NSD1: variants seen among roughly 807,000 people sequenced by gnomAD.
NSD1 encodes the protein histone-lysine N-methyltransferase, H3 lysine-36 specific.
Under a neutral mutation model 242.7 loss-of-function variants are expected in NSD1, and 26 were observed. The observed-to-expected ratio is 0.11, with a 90% CI of 0.08 to 0.15. NSD1 has a LOEUF of 0.15. Among genes scored for constraint, NSD1 ranks in the 10% least tolerant of loss-of-function variants. The pLI is 1.00. For missense variants in NSD1, 2,495 were observed against 3,272.8 expected, an observed-to-expected ratio of 0.76 and a Z score of 5.80; for synonymous variants, 1,106 against 1,178.1, an observed-to-expected ratio of 0.94 and a Z score of 1.25.
At chr5:177,140,987 C>G (rs1395905851) in intron 2 of NSD1, among the ~76,000 whole-genome samples, 2 of 152,126 alleles carry the variant, frequency 1.3e-5, no homozygotes, top group Non-Finnish European at 2.9e-5. Context: ...TCTGCTCTCT[C>G]TCCGATTCCC....
intron 2 of NSD1, among the ~76,000 whole-genome samples, chr5:177,140,066 C>G (rs1484665723): frequency 6.6e-6 from 1 of 152,170 alleles, no homozygotes; most frequent in African/African-American, 2.4e-5. Flanking sequence ...GTATCTACCT[C>G]TAAGTGGACT....
chr5:177,153,991 A>AG (rs1369212229), intron 2 of NSD1, among the ~76,000 whole-genome samples: 1 of 152,130 alleles, frequency 6.6e-6, no homozygotes, highest in East Asian at 1.9e-4. Flanking sequence ...GGAGTGGCTT[A>AG]GCTGGATGGT....
At chr5:177,189,247 A>G (rs1761483753) in intron 2 of NSD1, among the ~76,000 whole-genome samples, 1 of 152,190 alleles carries the variant, frequency 6.6e-6, no homozygotes. Flanking sequence ...GACCAAATTA[A>G]CAGACTTTTT....
At chr5:177,289,347 A>G (rs6874949) in intron 21 of NSD1, among the ~76,000 whole-genome samples, 2,447 of 152,150 alleles carry the variant, frequency 0.016, 69 homozygotes, top group African/African-American at 0.056. Context: ...ATTCAATGAC[A>G]TTGAATAGGT....
At position 177,295,572 on chromosome 5, in the gene NSD1, C is replaced by G. The variant is rs1760206677; in HGVS notation, c.*113C>G. ...AAAACACATCTGCCCCGAACACTTT[C>G]CCACTGTTATTCTTTCCTCATATCC... On this transcript the variant is annotated 3_prime_UTR_variant, in exon 23 of 23. Coordinates refer to ENST00000439151, the MANE Select transcript of NSD1 (RefSeq NM_022455.5). This position sits in a 1 kb window ranked among gnomAD's most constrained non-coding sequence, Gnocchi z 4.3. 1 of 1,090,620 alleles carries G rather than the reference C, an allele frequency of 9.2e-7. No individual in the cohort carries two copies. Among genetic ancestry groups the G allele is most frequent in the Non-Finnish European group, 1.4e-6 (1 of 730,678 alleles). The allele number at this position is 1,090,620 out of a possible 1,614,324, so 67.6% of individuals were successfully genotyped here. A position where few individuals can be genotyped will look rare whatever the true frequency, so the allele number is the denominator to read the frequency against.
intron 20 of NSD1, 75 bp from the exon 21 acceptor site, chr5:177,288,744 G>T: frequency 9.6e-7 from 1 of 1,037,410 alleles, no homozygotes. Flanking sequence ...TTGGGAGTTG[G>T]TATCCTTTGT....
Position 177,211,248 on chromosome 5 carries a change from T to G in NSD1, c.2849T>G (p.Val950Gly). 1.2e-6 allele frequency: 2 copies of G among 1,614,032 alleles called. No homozygotes were observed. Among genetic ancestry groups the G allele is most frequent in the Non-Finnish European group, 1.7e-6 (2 of 1,179,956 alleles). ...GGGGACTGTTCTACTAATAGTCCTG[T>G]AGGAGTCTCTAAGGTTTTGGTTTCA... ...GRGDCSTNSPVGVSKVLVSGG... is the reference protein window; with the variant it reads ...GRGDCSTNSPGGVSKVLVSGG... The change falls in exon 5 of 23, where the codon GTA becomes GGA. Residue 950 changes from valine to glycine, a missense_variant. This residue lies in a region of NSD1 where 121 missense variants were observed against 167.2 expected (regional missense o/e 0.72). Transcript: ENST00000439151.
In NSD1 at chr5:177,295,993, A is replaced by G. The variant is rs1182682904; in HGVS notation, c.*534A>G. The stretch of plus-strand genomic sequence containing the variant: ...AGCCTGGATTCCAAGGCTTTCAGGA[A>G]CCTTTGACCAGGAAGTAACAGGAAG... On this transcript the variant is annotated 3_prime_UTR_variant, in exon 23 of 23. Coordinates refer to ENST00000439151, the MANE Select transcript of NSD1 (RefSeq NM_022455.5). The surrounding 1 kb of genome is among the most constrained non-coding windows in gnomAD (Gnocchi z 4.3). 1.2e-5 allele frequency: 3 copies of G among 259,650 alleles called. No homozygotes were observed. Among genetic ancestry groups the G allele is most frequent in the African/African-American group, 6.5e-5 (3 of 45,980 alleles). 16.1% of individuals were successfully genotyped at this position (259,650 alleles called of 1,614,324 possible). A position where few individuals can be genotyped will look rare whatever the true frequency, so the allele number is the denominator to read the frequency against.
chr5:177,262,097 AAG>A (rs1757040498), intron 14 of NSD1, among the ~76,000 whole-genome samples: 1 of 152,196 alleles, frequency 6.6e-6, no homozygotes, highest in South Asian at 2.1e-4. Context: ...ATTAAATGAA[AAG>A]ATATGATTAA....
chr5:177,226,300 G>A (rs1764622320), intron 5 of NSD1, among the ~76,000 whole-genome samples: 1 of 152,166 alleles, frequency 6.6e-6, no homozygotes, highest in Non-Finnish European at 1.5e-5. Flanking sequence ...CTCCCAAAGT[G>A]CTGGGATTAC....
At chr5:177,257,595 A>G (rs1489107826) in intron 13 of NSD1, among the ~76,000 whole-genome samples, 1 of 152,080 alleles carries the variant, frequency 6.6e-6, no homozygotes, top group African/African-American at 2.4e-5. Context: ...TCTAGCTTTT[A>G]TCAGAGAGAT....
intron 17 of NSD1, among the ~76,000 whole-genome samples, chr5:177,276,333 T>C (rs1173580393): frequency 6.6e-6 from 1 of 151,638 alleles, no homozygotes; most frequent in Non-Finnish European, 1.5e-5. Context: ...CTTTTTTTTT[T>C]TTTCCCCCTG....
chr5:177,287,656 GA>G (rs921620986), intron 20 of NSD1, among the ~76,000 whole-genome samples: 2 of 149,652 alleles, frequency 1.3e-5, no homozygotes, highest in South Asian at 2.1e-4. Context: ...AAAGAAAAAA[GA>G]AAAAAAAACA....
At chr5:177,248,391 C>T in intron 11 of NSD1, 67 bp downstream of exon 11, 1 of 1,537,886 alleles carries the variant, frequency 6.5e-7, no homozygotes, top group Non-Finnish European at 8.9e-7. Context: ...CCCACTCCAT[C>T]TCTTTATGAT....
intron 16 of NSD1, among the ~76,000 whole-genome samples, chr5:177,271,016 G>T (rs1757906743): frequency 6.6e-6 from 1 of 152,144 alleles, no homozygotes; most frequent in African/African-American, 2.4e-5. Flanking sequence ...CCTGCACAGA[G>T]CTGGCCACCA....
chr5:177,195,249 G>A (rs1415251932), intron 3 of NSD1, among the ~76,000 whole-genome samples: 2 of 152,076 alleles, frequency 1.3e-5, no homozygotes, highest in African/African-American at 2.4e-5. Flanking sequence ...TTGGGAGTCC[G>A]AGGTGGGAGG....
chr5:177,279,610 A>AT (rs536478404), intron 17 of NSD1, among the ~76,000 whole-genome samples: 35,185 of 93,814 alleles, frequency 0.38, 12,658 homozygotes, highest in Non-Finnish European at 0.53. Context: ...AGCTTTGAAA[A>AT]TTTTTTTTTT....
At chr5:177,229,754 A>AT (rs1482242923) in intron 5 of NSD1, 8 of 412,370 alleles carry the variant, frequency 1.9e-5, no homozygotes, top group Admixed American at 5.4e-5. Flanking sequence ...GTATTTTTTT[A>AT]TTTTTTTGAG....
At chr5:177,277,878 A>T (rs1010953208) in intron 17 of NSD1, among the ~76,000 whole-genome samples, 1 of 152,200 alleles carries the variant, frequency 6.6e-6, no homozygotes, top group African/African-American at 2.4e-5. Flanking sequence ...GTAGAGAGAA[A>T]AGAAGTAGCA....
Sources: allele counts gnomAD v4.1 joint callset (sites outside exome capture counted in the v4.1 genomes callset), GRCh38; gene constraint gnomAD v4.1.1; regional missense constraint gnomAD v4.1.1; non-coding constraint Gnocchi (gnomAD v3.1); transcripts MANE v1.5; gene names NCBI Gene and HGNC (gene_info 2026-07-23, HGNC 2026-07-21).